Variants in SKA2 observed in about 807,000 individuals in gnomAD.
SKA2 encodes the protein spindle and kinetochore associated complex subunit 2, also known as spindle and kinetochore-associated protein 2.
In SKA2, 13 loss-of-function variants were observed where a neutral mutation model predicts 16.9. The ratio of observed to expected loss-of-function variants is 0.77; its 90% CI spans 0.50 to 1.22. The LOEUF is 1.22. Ranked by LOEUF, SKA2 falls within the 50% of genes most tolerant of loss-of-function variation. The probability of loss-of-function intolerance (pLI) is 0.00; values close to 1 mark genes in which losing one functional copy is unlikely to be tolerated. For missense variants in SKA2, 107 were observed against 139.7 expected (o/e 0.77, Z 1.18); for synonymous variants, 47 against 48.5 (o/e 0.97, Z 0.13).
At position 59,112,312 on chromosome 17, in the gene SKA2, C is replaced by T. The variant is rs754560777; in HGVS notation, c.331G>A (p.Ala111Thr). 2.9e-5 allele frequency: 46 copies of T among 1,611,114 alleles called. No homozygotes were observed. The highest frequency in any genetic ancestry group is 3.8e-5 in the Non-Finnish European group (45 of 1,179,546). ...SPLTKEEKTA[A>T]EQFKFHMPDL Reference sequence around the variant, plus strand: ...GGCATGTGAAATTTGAATTGCTCTGCCGCAGTTTTCTCTTCTTTAGTCAGT... The same window carrying T: ...GGCATGTGAAATTTGAATTGCTCTGTCGCAGTTTTCTCTTCTTTAGTCAGT... Residue 111 changes from alanine (A) to threonine (T), a missense_variant, in exon 4 of 4, where the codon GCA (alanine) becomes ACA (threonine). Ala to Thr is a moderately conservative substitution (Grantham distance 58). Coordinates refer to ENST00000330137, the MANE Select transcript of SKA2 (RefSeq NM_182620.4).
chr17:59,117,426 T>C (rs2046304005), intron 3 of SKA2, among the ~76,000 whole-genome samples: 1 of 152,134 alleles, frequency 6.6e-6, no homozygotes, highest in Admixed American at 6.6e-5. Flanking sequence ...GGGGACAGTC[T>C]CACCCTGTCA....
rs1268445575 is a variant in SKA2, at chr17:59,119,355, A to G, written c.261T>C (p.Asn87=). The part of the protein sequence containing the change: ...RICATVKKTM[N]MIQKLQKQTD... The stretch of plus-strand genomic sequence containing the variant: ...TTTGCTTCTGTAGTTTTTGTATCAT[A>G]TTCATAGTCTTTTTCACAGTAGCAC... Residue 87 remains asparagine, a synonymous_variant, in exon 3 of 4, where the codon AAT becomes AAC. Coordinates refer to ENST00000330137, the MANE Select transcript of SKA2 (RefSeq NM_182620.4). 1 of 1,613,942 alleles carries G rather than the reference A, an allele frequency of 6.2e-7. No homozygotes were observed.
In SKA2 at chr17:59,120,203, C is replaced by T. The variant is rs1362381508; in HGVS notation, c.121-708G>A. Among the ~76,000 whole-genome samples the T allele has an allele frequency of 4.6e-5, 7 of 152,018 alleles. No individual in the cohort carries two copies. In the East Asian group the frequency reaches 1.2e-3, roughly 25 times the overall value. On this transcript the variant is annotated intron_variant, in intron 2 of 3. Transcript: ENST00000330137. ...GATTACAGGTGTGAGCCACTGCGCC[C>T]GGCCAAAATTCGTAAACATACTATC...
At chr17:59,154,530 T>A (rs945519801) in intron 1 of SKA2, among the ~76,000 whole-genome samples, 3 of 152,166 alleles carry the variant, frequency 2.0e-5, no homozygotes, top group Non-Finnish European at 2.9e-5. Context: ...GTGGTTACGA[T>A]CCCCTTCGCT....
intron 1 of SKA2, among the ~76,000 whole-genome samples, chr17:59,142,143 T>A (rs1006808727): frequency 1.3e-5 from 2 of 152,186 alleles, no homozygotes; most frequent in East Asian, 3.8e-4. Context: ...CAGGCAGAAG[T>A]GAAGAAATGG....
intron 2 of SKA2, among the ~76,000 whole-genome samples, chr17:59,122,382 G>GTA: frequency 6.6e-6 from 1 of 152,084 alleles, no homozygotes; most frequent in South Asian, 2.1e-4. Context: ...AGACCAAGAG[G>GTA]GGCAGATCAC....
chr17:59,149,504 T>G (rs1390585591), intron 1 of SKA2, among the ~76,000 whole-genome samples: 1 of 148,968 alleles, frequency 6.7e-6, no homozygotes, highest in East Asian at 1.9e-4. Context: ...AGACCCTGTC[T>G]CTAAAGAAAA....
At chr17:59,114,522 A>T (rs887054511) in intron 3 of SKA2, among the ~76,000 whole-genome samples, 1 of 152,236 alleles carries the variant, frequency 6.6e-6, no homozygotes, top group East Asian at 1.9e-4. Context: ...ACATCTGAAC[A>T]TAAGAGTACA....
At position 59,147,892 on chromosome 17, in the gene SKA2, G is replaced by A. The variant is rs970753482; in HGVS notation, c.33+7239C>T. ...AAGTCTCACTCTGTTGCCCAGGCAG[G>A]AGTGCAGTGATGAGATCTTGGCTCA... On this transcript the variant is annotated intron_variant, in intron 1 of 3. Transcript: ENST00000330137. Among the ~76,000 whole-genome samples, 45 of 151,912 alleles carry A rather than the reference G, an allele frequency of 3.0e-4. 1 individual carries two copies. The highest frequency in any genetic ancestry group is 1.2e-4 in the Non-Finnish European group (8 of 67,988).
In SKA2 at chr17:59,112,212, A is replaced by G. The variant is rs2046268004; in HGVS notation, c.*65T>C. The G allele has an allele frequency of 2.2e-6, 3 of 1,366,682 alleles. No homozygotes were observed. Among genetic ancestry groups the G allele is most frequent in the Non-Finnish European group, 2.1e-6 (2 of 967,786 alleles). The allele number at this position is 1,366,682 out of a possible 1,614,324, so 84.7% of individuals were successfully genotyped here. A position where few individuals can be genotyped will look rare whatever the true frequency, so the allele number is the denominator to read the frequency against. ...TCTAGACATCAAGGGTTAACAAGAC[A>G]TCTTCCTAAATTTCTCCGGAATTAA... is the stretch of plus-strand genomic sequence containing the variant. On this transcript the variant is annotated 3_prime_UTR_variant, in exon 4 of 4. Transcript: ENST00000330137.
At chr17:59,139,396 C>CAAA (rs113246125) in intron 1 of SKA2, among the ~76,000 whole-genome samples, 16 of 50,170 alleles carry the variant, frequency 3.2e-4, no homozygotes, top group African/African-American at 4.8e-4. Context: ...GACTCCGTCT[C>CAAA]AAAAAAAAAA....
chr17:59,135,170 C>T (rs1191334624), intron 1 of SKA2, among the ~76,000 whole-genome samples: 1 of 151,856 alleles, frequency 6.6e-6, no homozygotes, highest in Non-Finnish European at 1.5e-5. Context: ...TGGTTTCCTG[C>T]AATACCTAGG....
At chr17:59,153,857 C>T (rs2046596305) in intron 1 of SKA2, among the ~76,000 whole-genome samples, 1 of 151,934 alleles carries the variant, frequency 6.6e-6, no homozygotes, top group Non-Finnish European at 1.5e-5. Context: ...CTGCAACCTC[C>T]GTCTCCCAGG....
At chr17:59,132,066 T>C (rs143454846) in intron 1 of SKA2, among the ~76,000 whole-genome samples, 1 of 152,084 alleles carries the variant, frequency 6.6e-6, no homozygotes, top group Non-Finnish European at 1.5e-5. Context: ...TTTAAAAATA[T>C]CAGTATTGGC....
intron 1 of SKA2, among the ~76,000 whole-genome samples, chr17:59,153,348 T>G (rs2147824806): frequency 6.6e-6 from 1 of 152,250 alleles, no homozygotes; most frequent in Non-Finnish European, 1.5e-5. Flanking sequence ...ATAATAAAAC[T>G]TAAAACTAAA....
chr17:59,136,317 C>A (rs922320524), intron 1 of SKA2, among the ~76,000 whole-genome samples: 1 of 151,996 alleles, frequency 6.6e-6, no homozygotes, highest in Non-Finnish European at 1.5e-5. Context: ...CGCCTGCCAC[C>A]ATGCCTGGCT....
chr17:59,119,850 G>A (rs2046320851), intron 2 of SKA2, among the ~76,000 whole-genome samples: 1 of 151,236 alleles, frequency 6.6e-6, no homozygotes, highest in African/African-American at 2.4e-5. Context: ...TTCAGAAGAA[G>A]ATAAAAGGCA....
At position 59,147,441 on chromosome 17, in the gene SKA2, AT is replaced by A. The variant is rs759154099; in HGVS notation, c.33+7689del. Among the ~76,000 whole-genome samples, 52 of 149,914 alleles carry A rather than the reference AT, an allele frequency of 3.5e-4. 1 individual carries two copies. Among genetic ancestry groups the A allele is most frequent in the Non-Finnish European group, 8.9e-5 (6 of 67,750 alleles). The stretch of plus-strand genomic sequence containing the variant: ...GGAATAAAATGGCTTTATGATGAGG[AT>A]TTATGTCCTTCATTCTCTACAAATG... On this transcript the variant is annotated intron_variant, in intron 1 of 3. Transcript: ENST00000330137.
chr17:59,152,961 C>T (rs1256843185), intron 1 of SKA2, among the ~76,000 whole-genome samples: 1 of 152,058 alleles, frequency 6.6e-6, no homozygotes. Flanking sequence ...AAATACTACC[C>T]CATCATTCAA....
Sources: gnomAD v4.1 joint callset for allele counts (sites outside exome capture counted in the v4.1 genomes callset) on GRCh38, gnomAD v4.1.1 for gene constraint, MANE v1.5 for transcripts, NCBI Gene and HGNC (gene_info 2026-07-23, HGNC 2026-07-21) for gene names.